COG6: variants seen among roughly 807,000 people sequenced by gnomAD.
The protein encoded by COG6 is conserved oligomeric Golgi complex subunit 6.
A neutral mutation model predicts 88.8 loss-of-function variants in COG6; 74 were observed. The ratio of observed to expected loss-of-function variants is 0.83; its 90% confidence interval spans 0.69 to 1.01. COG6 has a LOEUF of 1.01. Ranked by LOEUF, COG6 falls within the 50% of genes least tolerant of loss-of-function variation. The pLI is 0.00. For missense variants in COG6, 800 were observed against 797.9 expected (o/e 1.00, Z -0.03); for synonymous variants, 286 against 278.7 (o/e 1.03, Z -0.26).
intron 18 of COG6, among the ~76,000 whole-genome samples, chr13:39,742,305 T>G (rs1009643791): frequency 6.6e-6 from 1 of 152,122 alleles, no homozygotes; most frequent in African/African-American, 2.4e-5. Flanking sequence ...AGACACAGAC[T>G]GGCAAATTGG....
chr13:39,656,711 C>A, intron 1 of COG6: 1 of 376,786 alleles, frequency 2.7e-6, no homozygotes, highest in Non-Finnish European at 5.2e-6. Context: ...AATAACATTG[C>A]AATGTAATGA....
intron 10 of COG6, 98 bp from the exon 11 acceptor site, chr13:39,689,662 A>C: frequency 1.4e-6 from 1 of 735,690 alleles, no homozygotes; most frequent in Non-Finnish European, 2.3e-6. Flanking sequence ...TAGTGCCATT[A>C]ATTATATGTA....
Position 39,728,982 on chromosome 13 carries a change from T to TA in COG6, c.1826+1437dup, listed in dbSNP as rs1879291681. Among the ~76,000 whole-genome samples, 2 of 152,148 alleles carry TA rather than the reference T, an allele frequency of 1.3e-5. 1 individual carries two copies. Among genetic ancestry groups the TA allele is most frequent in the Admixed American group, 1.3e-4 (2 of 15,252 alleles). ...CCGGCCAATGTGCTTCTTAAATTAT[T>TA]AAATTTTTAACTGAATACCTGTAAT... On this transcript the variant is annotated intron_variant, in intron 18 of 18. Transcript: ENST00000455146.
chr13:39,779,916 A>G (rs1881578043), intron 18 of COG6, among the ~76,000 whole-genome samples: 1 of 152,220 alleles, frequency 6.6e-6, no homozygotes, highest in Admixed American at 6.5e-5. Context: ...ATTAAATAAA[A>G]TTAAGAAACA....
chr13:39,713,982 A>G (rs1878383835), intron 13 of COG6, among the ~76,000 whole-genome samples: 1 of 152,142 alleles, frequency 6.6e-6, no homozygotes, highest in Non-Finnish European at 1.5e-5. Context: ...GTGTAAAAAC[A>G]CCTCATAGAA....
chr13:39,655,867 G>A lies in COG6; in HGVS notation c.141G>A (p.Leu47=). The A allele has an allele frequency of 6.2e-7, 1 of 1,607,168 alleles. No individual in the cohort carries two copies. Among genetic ancestry groups the A allele is most frequent in the Non-Finnish European group, 8.5e-7 (1 of 1,177,852 alleles). The change falls in exon 1 of 19, where the codon CTG becomes CTA. Residue 47 remains leucine (L), a synonymous_variant. Transcript: ENST00000455146. Reference sequence around the variant, plus strand: ...TGCATAAGATCCTGGAGACGCGGCTGGACAACGACAAGGTAACCGGGGCTG... The same window carrying A: ...TGCATAAGATCCTGGAGACGCGGCTAGACAACGACAAGGTAACCGGGGCTG... ...RKLHKILETR[L]DNDKEMLEAL... is the part of the protein sequence containing the mutation.
chr13:39,736,692 A>G (rs1365557480), intron 18 of COG6, among the ~76,000 whole-genome samples: 1 of 152,118 alleles, frequency 6.6e-6, no homozygotes, highest in Non-Finnish European at 1.5e-5. Flanking sequence ...ACTCCATTTC[A>G]AAAAAACAAA....
At chr13:39,791,392 A>T (rs1185005279) in exon 19 of COG6, 1 of 152,078 alleles carries the variant, frequency 6.6e-6, no homozygotes, top group East Asian at 1.9e-4. Flanking sequence ...ATATCGAATG[A>T]TCTAGGCATT....
At chr13:39,738,178 T>C (rs1003420310) in intron 18 of COG6, among the ~76,000 whole-genome samples, 1 of 152,120 alleles carries the variant, frequency 6.6e-6, no homozygotes, top group Non-Finnish European at 1.5e-5. Context: ...TGTGGATAGA[T>C]TTGGCGTTCC....
intron 1 of COG6, among the ~76,000 whole-genome samples, chr13:39,658,433 G>A (rs183589407): frequency 3.9e-5 from 6 of 152,140 alleles, no homozygotes; most frequent in Admixed American, 2.6e-4. Flanking sequence ...GTAAGCCACC[G>A]TGCCATATTT....
chr13:39,663,363 CTAG>C (rs1393345475), intron 3 of COG6, among the ~76,000 whole-genome samples: 1 of 151,966 alleles, frequency 6.6e-6, no homozygotes, highest in African/African-American at 2.4e-5. Context: ...GCCTAAAAAG[CTAG>C]TAAAGGTTTT....
intron 7 of COG6, among the ~76,000 whole-genome samples, chr13:39,681,454 T>C (rs17529725): frequency 0.065 from 9,922 of 152,246 alleles, 424 homozygotes; most frequent in Non-Finnish European, 0.098. Context: ...ACATCTTACA[T>C]AGTGGTTCCC....
chr13:39,698,237 G>A (rs1268912368), intron 12 of COG6, among the ~76,000 whole-genome samples: 4 of 151,276 alleles, frequency 2.6e-5, no homozygotes, highest in Non-Finnish European at 5.9e-5. Context: ...TCATTAAATT[G>A]TTTCCATTTG....
intron 4 of COG6, among the ~76,000 whole-genome samples, chr13:39,670,617 G>C (rs7319899): frequency 0.99 from 151,099 of 152,160 alleles, 75,033 homozygotes; most frequent in East Asian, 1. Flanking sequence ...AGTTGCTGAA[G>C]ACACTGCATG....
At chr13:39,655,935 A>G (rs1229679201) in intron 1 of COG6, 56 bp downstream of exon 1, 3 of 1,564,502 alleles carry the variant, frequency 1.9e-6, no homozygotes, top group Admixed American at 3.8e-5. Flanking sequence ...GAGCCGGGCC[A>G]GGGGCGGCGT....
intron 3 of COG6, among the ~76,000 whole-genome samples, chr13:39,661,379 T>C (rs543931415): frequency 6.6e-6 from 1 of 152,318 alleles, no homozygotes; most frequent in East Asian, 1.9e-4. Flanking sequence ...TCATCTAATT[T>C]TGGAATAGTA....
intron 13 of COG6, among the ~76,000 whole-genome samples, chr13:39,708,305 C>T (rs1209748694): frequency 6.6e-6 from 1 of 152,168 alleles, no homozygotes; most frequent in African/African-American, 2.4e-5. Context: ...ATAAGCATCA[C>T]AGATATTTTC....
intron 7 of COG6, 103 bp from the exon 8 acceptor site, chr13:39,682,068 T>G: frequency 1.3e-6 from 1 of 784,396 alleles, no homozygotes; most frequent in Non-Finnish European, 2.2e-6. Flanking sequence ...AGGATTTTTT[T>G]TTATGGGGTG....
rs1322763277 is a variant in COG6, at chr13:39,677,574, A to G, written c.535A>G (p.Thr179Ala). Residue 179 changes from threonine (T) to alanine (A), a missense_variant, in exon 5 of 19, where the codon ACT (threonine) becomes GCT (alanine). Physicochemically the swap from Thr to Ala is moderately conservative, Grantham distance 58. Coordinates refer to ENST00000455146, the MANE Select transcript of COG6 (RefSeq NM_020751.3). ...LLRGTREGPI[T>A]EDFFKALGRV... is the part of the protein sequence containing the mutation. ...CCGAGGTACAAGAGAAGGACCCATT[A>G]CTGAGGTATCCTGGCTTTCTGTTAT... is the stretch of plus-strand genomic sequence containing the variant. 2 of 1,565,208 alleles carry G rather than the reference A, an allele frequency of 1.3e-6. No homozygotes were observed. Among genetic ancestry groups the G allele is most frequent in the Admixed American group, 3.3e-5 (2 of 59,822 alleles).
Sources: allele counts gnomAD v4.1 joint callset (sites outside exome capture counted in the v4.1 genomes callset), GRCh38; gene constraint gnomAD v4.1.1; transcripts MANE v1.5; gene names NCBI Gene and HGNC (gene_info 2026-07-23, HGNC 2026-07-21).